The following AGBL3 variants were observed in gnomAD, a reference collection of about 807,000 sequenced individuals.
AGBL3 encodes AGBL carboxypeptidase 3.
AGBL3 carries 68 observed loss-of-function variants against 94.5 expected under a neutral mutation model. The ratio of observed to expected loss-of-function variants is 0.72; its 90% CI spans 0.59 to 0.88. The LOEUF is 0.88. Among genes scored for constraint, AGBL3 ranks in the 40% least tolerant of loss-of-function variants. The probability of loss-of-function intolerance (pLI) is 0.00; values close to 1 mark genes in which losing one functional copy is unlikely to be tolerated. For missense variants in AGBL3, 934 were observed against 1,103.8 expected (o/e 0.85, Z 2.18); for synonymous variants, 354 against 370.7 (o/e 0.95, Z 0.52).
intron 6 of AGBL3, among the ~76,000 whole-genome samples, chr7:135,033,396 T>C (rs1815978111): frequency 2.0e-5 from 3 of 152,180 alleles, no homozygotes; most frequent in African/African-American, 7.2e-5. Flanking sequence ...CACATACCTA[T>C]CACCTAGACT....
intron 7 of AGBL3, among the ~76,000 whole-genome samples, chr7:135,035,318 T>G (rs544032925): frequency 6.6e-6 from 1 of 152,140 alleles, no homozygotes; most frequent in African/African-American, 2.4e-5. Context: ...CTCTAGAAAC[T>G]CTTTTAAATG....
intron 15 of AGBL3, among the ~76,000 whole-genome samples, chr7:135,094,781 T>C (rs1351463260): frequency 6.6e-6 from 1 of 152,192 alleles, no homozygotes; most frequent in African/African-American, 2.4e-5. Flanking sequence ...CAAGAGGCCT[T>C]ACATTTATAG....
intron 4 of AGBL3, among the ~76,000 whole-genome samples, chr7:134,999,322 C>T (rs1414701591): frequency 3.9e-5 from 6 of 152,146 alleles, no homozygotes; most frequent in African/African-American, 9.7e-5. Context: ...CACAGCATTC[C>T]GATGTAGTTA....
At chr7:135,001,832 A>T (rs940126321) in intron 4 of AGBL3, among the ~76,000 whole-genome samples, 2 of 152,220 alleles carry the variant, frequency 1.3e-5, no homozygotes, top group Non-Finnish European at 2.9e-5. Flanking sequence ...GCTATTACAC[A>T]TAATAACTGA....
At chr7:135,020,187 A>T (rs2116266994) in intron 5 of AGBL3, among the ~76,000 whole-genome samples, 1 of 147,568 alleles carries the variant, frequency 6.8e-6, no homozygotes, top group East Asian at 2.0e-4. Context: ...AATATCCAGA[A>T]TCTACAAAGA....
chr7:135,054,329 T>G (rs1818146060), intron 11 of AGBL3, among the ~76,000 whole-genome samples: 2 of 152,210 alleles, frequency 1.3e-5, no homozygotes, highest in African/African-American at 4.8e-5. Flanking sequence ...AAATTGTGAG[T>G]GCAGAGGAGA....
chr7:135,082,661 C>T (rs1467229633), intron 15 of AGBL3, among the ~76,000 whole-genome samples: 1 of 152,078 alleles, frequency 6.6e-6, no homozygotes, highest in Non-Finnish European at 1.5e-5. Context: ...AGTGCTACCG[C>T]TAAGTTGTAT....
rs567178214 is a variant in AGBL3, at chr7:135,004,689, A to G, written c.310+11011A>G. ...ATTTTAAAATTCATTTAATAAATTT[A>G]AGCAAAGCATTCTCCTATAATTGCT... On this transcript the variant is annotated intron_variant, in intron 4 of 16. Coordinates refer to ENST00000436302, the MANE Select transcript of AGBL3 (RefSeq NM_178563.4). Among the ~76,000 whole-genome samples, 7 of 151,732 alleles carry G rather than the reference A, an allele frequency of 4.6e-5. No homozygotes were observed. In the South Asian group the frequency reaches 1.4e-3, roughly 31 times the overall value.
chr7:135,087,768 G>A (rs1405509947), intron 15 of AGBL3, among the ~76,000 whole-genome samples: 1 of 151,936 alleles, frequency 6.6e-6, no homozygotes, highest in Non-Finnish European at 1.5e-5. Flanking sequence ...TATTCCATGT[G>A]CTGATGGAAG....
At chr7:135,121,861 C>G (rs1396795376) in intron 16 of AGBL3, among the ~76,000 whole-genome samples, 1 of 152,190 alleles carries the variant, frequency 6.6e-6, no homozygotes, top group Non-Finnish European at 1.5e-5. Context: ...GTGTGCTACC[C>G]AGCCGGGGAA....
Position 135,017,150 on chromosome 7 carries a change from G to C in AGBL3, c.409G>C (p.Ala137Pro). The change falls in exon 5 of 17, where the codon GCT becomes CCT. Residue 137 changes from alanine to proline, a missense_variant. Transcript: ENST00000436302. The part of the protein sequence containing the change: ...DSKEATVVYL[A>P]EDAYKEPCFV... Reference sequence around the variant, plus strand: ...CAAGGAAGCTACTGTGGTTTATCTAGCTGAAGATGGTGAGCACATAATGAC... The same window carrying C: ...CAAGGAAGCTACTGTGGTTTATCTACCTGAAGATGGTGAGCACATAATGAC... The C allele has an allele frequency of 6.5e-7, 1 of 1,537,812 alleles. No homozygotes were observed. Among genetic ancestry groups the C allele is most frequent in the Non-Finnish European group, 8.8e-7 (1 of 1,134,002 alleles).
Position 134,988,646 on chromosome 7 carries a change from T to C in AGBL3, c.64-604T>C, listed in dbSNP as rs182621474. On this transcript the variant is annotated intron_variant, in intron 2 of 16. Coordinates refer to ENST00000436302, the MANE Select transcript of AGBL3 (RefSeq NM_178563.4). ...TTTGTTAATTTAATTTTTTTTTTTT[T>C]CTTGAGCCAGAGTTTGAGATCGCTC... Among the ~76,000 whole-genome samples the C allele has an allele frequency of 4.9e-3, 746 of 151,968 alleles. 23 individuals carry two copies. Among genetic ancestry groups the C allele is most frequent in the Non-Finnish European group, 2.5e-3 (167 of 67,996 alleles).
intron 4 of AGBL3, among the ~76,000 whole-genome samples, chr7:135,002,638 C>G (rs1029960800): frequency 1.3e-5 from 2 of 152,178 alleles, no homozygotes; most frequent in African/African-American, 4.8e-5. Context: ...TAGAGGTTAT[C>G]TCCCAGGAGT....
chr7:135,011,087 A>T (rs1813095096), intron 4 of AGBL3: 1 of 152,174 alleles, frequency 6.6e-6, no homozygotes. Context: ...TGCTGAAAGG[A>T]AACAGGAATG....
intron 15 of AGBL3, among the ~76,000 whole-genome samples, chr7:135,107,724 A>G (rs1824961998): frequency 6.6e-6 from 1 of 152,208 alleles, no homozygotes; most frequent in African/African-American, 2.4e-5. Flanking sequence ...GTAGATGTCT[A>G]TCAGATCTAT....
intron 13 of AGBL3, among the ~76,000 whole-genome samples, chr7:135,080,001 C>T (rs974014277): frequency 1.3e-5 from 2 of 151,912 alleles, no homozygotes; most frequent in East Asian, 1.9e-4. Flanking sequence ...TTTTCTTCTA[C>T]TCATTGATGC....
intron 4 of AGBL3, among the ~76,000 whole-genome samples, chr7:135,009,843 T>A (rs1812885612): frequency 6.6e-6 from 1 of 152,174 alleles, no homozygotes. Flanking sequence ...TATATGAAGT[T>A]CAGCAGCATC....
intron 4 of AGBL3, among the ~76,000 whole-genome samples, chr7:135,016,601 G>A (rs1813837899): frequency 6.6e-6 from 1 of 152,102 alleles, no homozygotes; most frequent in Non-Finnish European, 1.5e-5. Context: ...GGCAGGGGTA[G>A]GGGGACATCT....
intron 15 of AGBL3, among the ~76,000 whole-genome samples, chr7:135,109,370 T>C (rs1258231718): frequency 2.0e-5 from 3 of 152,070 alleles, no homozygotes; most frequent in African/African-American, 4.8e-5. Flanking sequence ...CCCAGGCAGT[T>C]GTAGAGCTGC....
Sources: gnomAD v4.1 joint callset for allele counts (sites outside exome capture counted in the v4.1 genomes callset) on GRCh38, gnomAD v4.1.1 for gene constraint, MANE v1.5 for transcripts, NCBI Gene and HGNC (gene_info 2026-07-23, HGNC 2026-07-21) for gene names.